The following CSMD1 variants were observed in gnomAD, a reference collection of about 807,000 sequenced individuals.
CSMD1 encodes CUB and sushi domain-containing protein 1.
In CSMD1, 213 loss-of-function variants were observed where a neutral mutation model predicts 417.5. That is an observed-to-expected ratio of 0.51 (90% CI 0.46 to 0.57). The LOEUF (loss-of-function observed/expected upper bound fraction) is 0.57. Among genes scored for constraint, CSMD1 ranks in the 20% least tolerant of loss-of-function variants. CSMD1 has a pLI of 0.00. For synonymous variants in CSMD1, 2,862 were observed against 1,736.8 expected (o/e 1.65, Z -16.11); for missense variants, 6,923 against 4,529.7 (o/e 1.53, Z -15.17).
chr8:4,258,987 A>G lies in CSMD1; in HGVS notation c.415+160966T>C, dbSNP rs865868389. On this transcript the variant is annotated intron_variant, in intron 3 of 69. Coordinates refer to ENST00000635120, the MANE Select transcript of CSMD1 (RefSeq NM_033225.6). ...GTATAAATGTCTAACTAAGACTTTA[A>G]AAGATTTCCTGCAGAAGAGACGTTT... 2.0e-5 allele frequency among the ~76,000 whole-genome samples: 3 copies of G among 152,328 alleles called. No individual in the cohort carries two copies. The South Asian group carries it at 6.2e-4, about 32-fold the overall frequency.
At chr8:3,838,905 C>G (rs1802904091) in intron 5 of CSMD1, among the ~76,000 whole-genome samples, 1 of 107,302 alleles carries the variant, frequency 9.3e-6, no homozygotes, top group South Asian at 2.7e-4. Context: ...ATAATATATA[C>G]TCTAGATATG....
chr8:3,778,660 T>C (rs903016855), intron 5 of CSMD1, among the ~76,000 whole-genome samples: 3 of 152,224 alleles, frequency 2.0e-5, no homozygotes, highest in African/African-American at 7.2e-5. Flanking sequence ...AGGTTGTTTC[T>C]GGACCAGAGC....
At chr8:3,511,482 C>T (rs1447900306) in intron 10 of CSMD1, among the ~76,000 whole-genome samples, 4 of 151,712 alleles carry the variant, frequency 2.6e-5, no homozygotes, top group East Asian at 1.9e-4. Flanking sequence ...CAGCCAGGCA[C>T]GTTGGCTCAC....
At position 4,896,674 on chromosome 8, in the gene CSMD1, A is replaced by G. The variant is rs543175828; in HGVS notation, c.85+97658T>C. ...AAATATTGGAAATTTTTTCCGGGGG[A>G]AGGATTGCATACGTGCTGGAAGATC... On this transcript the variant is annotated intron_variant, in intron 1 of 69. Transcript: ENST00000635120. Among the ~76,000 whole-genome samples the G allele has an allele frequency of 1.4e-3, 214 of 152,116 alleles. 5 individuals are homozygous for G. Among genetic ancestry groups the G allele is most frequent in the African/African-American group, 5.1e-3 (211 of 41,442 alleles).
intron 10 of CSMD1, among the ~76,000 whole-genome samples, chr8:3,537,365 G>C (rs1316667417): frequency 6.6e-6 from 1 of 152,140 alleles, no homozygotes; most frequent in Non-Finnish European, 1.5e-5. Context: ...TTGTTGTTTA[G>C]TGTACTTTTT....
intron 2 of CSMD1, among the ~76,000 whole-genome samples, chr8:4,544,076 G>A (rs895344222): frequency 3.9e-5 from 6 of 152,122 alleles, no homozygotes; most frequent in African/African-American, 1.4e-4. Flanking sequence ...TCTGTGGCTT[G>A]CCTTTTATTC....
chr8:3,412,094 G>A (rs559166932), intron 12 of CSMD1, among the ~76,000 whole-genome samples: 7 of 82,096 alleles, frequency 8.5e-5, no homozygotes, highest in East Asian at 5.5e-4. Context: ...ATATACACAC[G>A]TATATATACA....
chr8:4,591,737 G>A (rs1162309704), intron 2 of CSMD1, among the ~76,000 whole-genome samples: 1 of 152,172 alleles, frequency 6.6e-6, no homozygotes, highest in East Asian at 1.9e-4. Flanking sequence ...TTAAAGCAGT[G>A]AAGTGAGGGG....
At chr8:4,441,095 GTTTTTTTTTTT>G (rs36000734) in intron 2 of CSMD1, among the ~76,000 whole-genome samples, 2 of 51,296 alleles carry the variant, frequency 3.9e-5, no homozygotes, top group African/African-American at 6.7e-5. Flanking sequence ...TAATCAAAAG[GTTTTTTTTTTT>G]TTTTTTTTTT....
intron 25 of CSMD1, among the ~76,000 whole-genome samples, chr8:3,303,655 A>T (rs1051944847): frequency 2.0e-5 from 3 of 152,234 alleles, no homozygotes; most frequent in Non-Finnish European, 4.4e-5. Flanking sequence ...CAGTGTACAC[A>T]TATGGTTATG....
At chr8:3,335,472 G>C (rs941817382) in intron 23 of CSMD1, among the ~76,000 whole-genome samples, 1 of 152,190 alleles carries the variant, frequency 6.6e-6, no homozygotes, top group Non-Finnish European at 1.5e-5. Flanking sequence ...GAGGTCGGGA[G>C]ATCGAGACCA....
At chr8:4,234,076 C>T (rs1207400504) in intron 3 of CSMD1, among the ~76,000 whole-genome samples, 1 of 152,062 alleles carries the variant, frequency 6.6e-6, no homozygotes, top group Non-Finnish European at 1.5e-5. Context: ...TTAACCCCTG[C>T]CTAAGTACTA....
At chr8:3,798,846 C>G (rs1047360132) in intron 5 of CSMD1, among the ~76,000 whole-genome samples, 3 of 151,732 alleles carry the variant, frequency 2.0e-5, no homozygotes, top group Non-Finnish European at 4.4e-5. Context: ...TTGTATTTTC[C>G]TACTCTTTCC....
intron 5 of CSMD1, among the ~76,000 whole-genome samples, chr8:3,835,188 T>C (rs1183498320): frequency 6.7e-6 from 1 of 149,290 alleles, no homozygotes; most frequent in African/African-American, 2.5e-5. Context: ...GAACTAGAAA[T>C]ACCATTTGAC....
At chr8:4,275,618 C>G (rs1278731633) in intron 3 of CSMD1, among the ~76,000 whole-genome samples, 2 of 152,032 alleles carry the variant, frequency 1.3e-5, no homozygotes, top group Non-Finnish European at 2.9e-5. Flanking sequence ...CCTCAGCATA[C>G]AAAAATTCAT....
intron 1 of CSMD1, among the ~76,000 whole-genome samples, chr8:4,760,992 C>T (rs1335489718): frequency 6.6e-6 from 1 of 151,904 alleles, no homozygotes; most frequent in East Asian, 1.9e-4. Context: ...CACTCACCTC[C>T]CTTTATCATT....
At chr8:3,353,762 AAC>A (rs907641132) in intron 21 of CSMD1, among the ~76,000 whole-genome samples, 3 of 65,156 alleles carry the variant, frequency 4.6e-5, no homozygotes, top group African/African-American at 7.8e-5. Flanking sequence ...AAGATGAATG[AAC>A]ACAGTTTCTT....
At chr8:3,486,776 C>G (rs1171246426) in intron 11 of CSMD1, among the ~76,000 whole-genome samples, 2 of 152,226 alleles carry the variant, frequency 1.3e-5, no homozygotes, top group Non-Finnish European at 2.9e-5. Flanking sequence ...ACTCTGCTGG[C>G]TTTCCCAGAT....
At chr8:3,576,101 C>A (rs1039286652) in intron 9 of CSMD1, among the ~76,000 whole-genome samples, 1 of 151,970 alleles carries the variant, frequency 6.6e-6, no homozygotes, top group African/African-American at 2.4e-5. Context: ...GAGTTTAACC[C>A]TTTCTTCAAG....
Sources: gnomAD v4.1 joint callset for allele counts (sites outside exome capture counted in the v4.1 genomes callset) on GRCh38, gnomAD v4.1.1 for gene constraint, MANE v1.5 for transcripts, NCBI Gene and HGNC (gene_info 2026-07-23, HGNC 2026-07-21) for gene names.